The following DERA variants were observed in gnomAD, a reference collection of about 807,000 sequenced individuals.
The protein encoded by DERA is 2-deoxy-D-ribose 5-phosphate aldolase.
Under a neutral mutation model 41.1 loss-of-function variants are expected in DERA, and 15 were observed. The ratio of observed to expected loss-of-function variants is 0.37; its 90% CI spans 0.24 to 0.56. The LOEUF (loss-of-function observed/expected upper bound fraction) is 0.56, where lower values mean the gene tolerates loss of function less well. DERA is among the 20% of genes least tolerant of loss of function. The pLI is 0.81. For missense variants in DERA, 396 were observed against 403.4 expected, an observed-to-expected ratio of 0.98 and a Z score of 0.16; for synonymous variants, 139 against 137.4, an observed-to-expected ratio of 1.01 and a Z score of -0.08.
In DERA at chr12:15,958,201, T is replaced by C; in HGVS notation, c.143T>C (p.Leu48Pro). ...TGTTTAAACCAGGCTGCTTGGCTCCTGAAAGCTGTTACCTTTATAGATCTT... is the reference window on the plus strand; with the variant it reads ...TGTTTAAACCAGGCTGCTTGGCTCCCGAAAGCTGTTACCTTTATAGATCTT... ...VKKEWQAAWLLKAVTFIDLTT... is the reference protein window; with the variant it reads ...VKKEWQAAWLPKAVTFIDLTT... The change falls in exon 3 of 9, where the codon CTG becomes CCG. Residue 48 changes from leucine (L) to proline (P), a missense_variant. Coordinates refer to ENST00000428559, the MANE Select transcript of DERA (RefSeq NM_015954.4). The C allele has an allele frequency of 1.9e-6, 3 of 1,565,996 alleles. No homozygotes were observed. Among genetic ancestry groups the C allele is most frequent in the South Asian group, 2.4e-5 (2 of 82,554 alleles).
At chr12:16,023,273 G>T (rs1949028266) in intron 6 of DERA, among the ~76,000 whole-genome samples, 1 of 152,092 alleles carries the variant, frequency 6.6e-6, no homozygotes, top group African/African-American at 2.4e-5. Context: ...AAAGAGGGGA[G>T]ATAAAAACAA....
At chr12:15,942,744 T>C (rs1003593235) in intron 1 of DERA, among the ~76,000 whole-genome samples, 32 of 152,280 alleles carry the variant, frequency 2.1e-4, no homozygotes, top group African/African-American at 7.7e-4. Context: ...GTGAAACACT[T>C]GGTAAAGTAA....
At position 16,014,274 on chromosome 12, in the gene DERA, C is replaced by T. The variant is rs369439202; in HGVS notation, c.638-18268C>T. Reference sequence around the variant, plus strand: ...TGGGGGAAATGTCTCCAGGGCATGTCAGAGATCTTCATGGCAGTCTCTCCC... The same window carrying T: ...TGGGGGAAATGTCTCCAGGGCATGTTAGAGATCTTCATGGCAGTCTCTCCC... On this transcript the variant is annotated intron_variant, in intron 6 of 8. Transcript: ENST00000428559. This position sits in a 1 kb window ranked among gnomAD's most constrained non-coding sequence, Gnocchi z 5.4. 6.6e-6 allele frequency among the ~76,000 whole-genome samples: 1 copy of T among 152,178 alleles called. No individual in the cohort carries two copies. Among genetic ancestry groups the T allele is most frequent in the African/African-American group, 2.4e-5 (1 of 41,448 alleles).
Position 15,943,883 on chromosome 12 carries a change from C to T in DERA, c.32-13053C>T, listed in dbSNP as rs1405966585. Among the ~76,000 whole-genome samples the T allele has an allele frequency of 8.4e-6, 1 of 118,840 alleles. No homozygotes were observed. The highest frequency in any genetic ancestry group is 1.7e-5 in the Non-Finnish European group (1 of 59,300). The allele number at this position is 118,840 out of a possible 152,430, so 78.0% of individuals were successfully genotyped here. ...CCTAATGCTATCCCTCCCCCCTCCC[C>T]CCACCCCACGACAGACCCTGGTGTG... On this transcript the variant is annotated intron_variant, in intron 1 of 8. Coordinates refer to ENST00000428559, the MANE Select transcript of DERA (RefSeq NM_015954.4). This position sits in a 1 kb window ranked among gnomAD's most constrained non-coding sequence, Gnocchi z 4.5.
chr12:15,974,933 C>T (rs1241737525), intron 5 of DERA, among the ~76,000 whole-genome samples: 1 of 151,962 alleles, frequency 6.6e-6, no homozygotes, highest in African/African-American at 2.4e-5. Flanking sequence ...TTCCTTCCTT[C>T]CTGTTTGTAA....
chr12:15,976,865 G>A lies in DERA; in HGVS notation c.509-5443G>A, dbSNP rs1158000497. On this transcript the variant is annotated intron_variant, in intron 5 of 8. Transcript: ENST00000428559. This position sits in a 1 kb window ranked among gnomAD's most constrained non-coding sequence, Gnocchi z 4.1. ...TCCCAAGTAACACCACTAATCAGCG[G>A]CCAAGCAAGGGCTGAGAAGTCCTGA... 3.9e-5 allele frequency among the ~76,000 whole-genome samples: 6 copies of A among 152,238 alleles called. No individual in the cohort carries two copies. Among genetic ancestry groups the A allele is most frequent in the Non-Finnish European group, 1.5e-5 (1 of 68,006 alleles).
intron 1 of DERA, among the ~76,000 whole-genome samples, chr12:15,950,536 A>C (rs2136142518): frequency 6.6e-6 from 1 of 152,322 alleles, no homozygotes; most frequent in Middle Eastern, 3.4e-3. Flanking sequence ...TGCCTTAACC[A>C]TCTGGGAATG....
rs1159876640 is a variant in DERA at position 15,911,368 on chromosome 12, C to T, written c.-16C>T. 3 of 1,412,082 alleles carry T rather than the reference C, an allele frequency of 2.1e-6. No homozygotes were observed. The highest frequency in any genetic ancestry group is 1.8e-6 in the Non-Finnish European group (2 of 1,096,162). 87.5% of individuals were successfully genotyped at this position (1,412,082 alleles called of 1,614,324 possible). ...GCGGGCGCCTACCAGCCGGCAGCTC[C>T]GGAGCTGCCCGCGCCATGTCCGCGC... On this transcript the variant is annotated 5_prime_UTR_variant, in exon 1 of 9. Coordinates refer to ENST00000428559, the MANE Select transcript of DERA (RefSeq NM_015954.4). The surrounding 1 kb of genome is among the most constrained non-coding windows in gnomAD (Gnocchi z 4.5).
chr12:16,032,898 C>T (rs1468051872), intron 7 of DERA: 4 of 392,986 alleles, frequency 1.0e-5, no homozygotes, highest in Non-Finnish European at 1.4e-5. Flanking sequence ...CACTTTATGT[C>T]CTTTTGTTAA....
rs1948964718 is a variant in DERA, at chr12:16,014,087, TG to T, written c.638-18453del. ...TGTATGCCTTCACAAGGAGATCATT[TG>T]GAATTGGAACTTAGTTTAAAAGGGA... On this transcript the variant is annotated intron_variant, in intron 6 of 8. Transcript: ENST00000428559. The surrounding 1 kb of genome is among the most constrained non-coding windows in gnomAD (Gnocchi z 5.4). Among the ~76,000 whole-genome samples, 1 of 152,184 alleles carries T rather than the reference TG, an allele frequency of 6.6e-6. No individual in the cohort carries two copies. Among genetic ancestry groups the T allele is most frequent in the Non-Finnish European group, 1.5e-5 (1 of 68,020 alleles).
At chr12:15,946,210 T>C (rs1948447073) in intron 1 of DERA, among the ~76,000 whole-genome samples, 3 of 152,132 alleles carry the variant, frequency 2.0e-5, no homozygotes, top group Non-Finnish European at 4.4e-5. Flanking sequence ...GTGTCTCTGC[T>C]AGGCTTTGGT....
At position 15,988,101 on chromosome 12, in the gene DERA, G is replaced by T. The variant is rs1018801193; in HGVS notation, c.637+5665G>T. Among the ~76,000 whole-genome samples the T allele has an allele frequency of 6.6e-6, 1 of 152,184 alleles. No individual in the cohort carries two copies. The highest frequency in any genetic ancestry group is 6.5e-5 in the Admixed American group (1 of 15,280). ...GGTGCCCAAAAACTTGGAGACACCAGGAACCACAGAGCCCCAAAGAGGGTG... is the reference window on the plus strand; with the variant it reads ...GGTGCCCAAAAACTTGGAGACACCATGAACCACAGAGCCCCAAAGAGGGTG... On this transcript the variant is annotated intron_variant, in intron 6 of 8. Transcript: ENST00000428559. The surrounding 1 kb of genome is among the most constrained non-coding windows in gnomAD (Gnocchi z 6.0).
chr12:15,962,933 C>G lies in DERA; in HGVS notation c.494C>G (p.Thr165Arg). 1.2e-6 allele frequency: 2 copies of G among 1,606,368 alleles called. No individual in the cohort carries two copies. The highest frequency in any genetic ancestry group is 2.2e-5 in the East Asian group (1 of 44,756). Residue 165 changes from threonine to arginine, a missense_variant, in exon 5 of 9, where the codon ACA becomes AGA. Thr to Arg is a moderately conservative substitution (Grantham distance 71). Transcript: ENST00000428559. ...GTAATTAACAGAAGCTTGGTGCTGA[C>G]AGGCCAGTGGGAAGGTAGGTGCATG... ...DVVINRSLVL[T>R]GQWEALYDEI...
At position 15,940,499 on chromosome 12, in the gene DERA, A is replaced by G. The variant is rs1023511062; in HGVS notation, c.32-16437A>G. ...CTCGAGTAGCTGGGACTACAGGCGC[A>G]TGCCACCACACCTGGCTGATTTTTT... On this transcript the variant is annotated intron_variant, in intron 1 of 8. Coordinates refer to ENST00000428559, the MANE Select transcript of DERA (RefSeq NM_015954.4). This position sits in a 1 kb window ranked among gnomAD's most constrained non-coding sequence, Gnocchi z 5.1. 6.6e-6 allele frequency among the ~76,000 whole-genome samples: 1 copy of G among 152,004 alleles called. No homozygotes were observed. The highest frequency in any genetic ancestry group is 1.5e-5 in the Non-Finnish European group (1 of 67,988).
rs1249337004 is a variant in DERA, at chr12:15,996,339, G to T, written c.637+13903G>T. Among the ~76,000 whole-genome samples, 1 of 152,086 alleles carries T rather than the reference G, an allele frequency of 6.6e-6. No individual in the cohort carries two copies. The highest frequency in any genetic ancestry group is 2.4e-5 in the African/African-American group (1 of 41,412). On this transcript the variant is annotated intron_variant, in intron 6 of 8. Transcript: ENST00000428559. This position sits in a 1 kb window ranked among gnomAD's most constrained non-coding sequence, Gnocchi z 4.7. ...TAAGCAACAGAAATGTGTTCTTAAGGTTCTGGAGGCCAGAAGCCCGCAGTC... is the reference window on the plus strand; with the variant it reads ...TAAGCAACAGAAATGTGTTCTTAAGTTTCTGGAGGCCAGAAGCCCGCAGTC...
rs569137521 is a variant in DERA, at chr12:15,948,622, T to G, written c.32-8314T>G. ...GTCTAATCTTTTTTTTGAAGGTTTT[T>G]ATCTTCTTTGCGACTGGTCGAACTT... On this transcript the variant is annotated intron_variant, in intron 1 of 8. Coordinates refer to ENST00000428559, the MANE Select transcript of DERA (RefSeq NM_015954.4). Among the ~76,000 whole-genome samples the G allele has an allele frequency of 2.6e-5, 4 of 152,338 alleles. No homozygotes were observed. The East Asian group carries it at 7.7e-4, about 29-fold the overall frequency.
At chr12:15,946,775 A>G (rs1379266011) in intron 1 of DERA, among the ~76,000 whole-genome samples, 1 of 152,112 alleles carries the variant, frequency 6.6e-6, no homozygotes, top group Non-Finnish European at 1.5e-5. Context: ...TAGCTGTTAA[A>G]TGTGTTCGCT....
chr12:15,944,150 C>G (rs1317359557), intron 1 of DERA, among the ~76,000 whole-genome samples: 1 of 152,058 alleles, frequency 6.6e-6, no homozygotes, highest in African/African-American at 2.4e-5. Flanking sequence ...TGGGTTGGTT[C>G]CAAGTCTTTG....
At chr12:16,002,764 G>A (rs1948884229) in intron 6 of DERA, among the ~76,000 whole-genome samples, 1 of 152,118 alleles carries the variant, frequency 6.6e-6, no homozygotes, top group South Asian at 2.1e-4. Flanking sequence ...AGACAGGGCA[G>A]TAGTGCTGTT....
Sources: gnomAD v4.1 joint callset for allele counts (sites outside exome capture counted in the v4.1 genomes callset) on GRCh38, gnomAD v4.1.1 for gene constraint, Gnocchi (gnomAD v3.1) non-coding constraint, MANE v1.5 for transcripts, NCBI Gene and HGNC (gene_info 2026-07-23, HGNC 2026-07-21) for gene names.